KCNMB2: variants seen among roughly 807,000 people sequenced by gnomAD.
KCNMB2 encodes calcium-activated potassium channel subunit beta-2.
KCNMB2 carries 9 observed loss-of-function variants against 24.5 expected under a neutral mutation model. The ratio of observed to expected loss-of-function variants is 0.37; its 90% confidence interval spans 0.22 to 0.64. The LOEUF (loss-of-function observed/expected upper bound fraction) is 0.64, where lower values mean the gene tolerates loss of function less well. Ranked by LOEUF, KCNMB2 falls within the 30% of genes least tolerant of loss-of-function variation. KCNMB2 has a pLI of 0.63. For missense variants in KCNMB2, 226 were observed against 284.3 expected, an observed-to-expected ratio of 0.79 and a Z score of 1.47; for synonymous variants, 109 against 104.4, an observed-to-expected ratio of 1.04 and a Z score of -0.27.
At chr3:178,757,285 C>T (rs1355124967) in intron 1 of KCNMB2, 1 of 106,518 alleles carries the variant, frequency 9.4e-6, no homozygotes, top group Admixed American at 1.0e-4. Flanking sequence ...TACATATATC[C>T]AAGAGGATAT....
intron 1 of KCNMB2, among the ~76,000 whole-genome samples, chr3:178,640,537 G>A (rs1366784548): frequency 6.6e-6 from 1 of 152,124 alleles, no homozygotes; most frequent in Non-Finnish European, 1.5e-5. Context: ...CATGAGATTT[G>A]GGTGGGGACC....
chr3:178,630,352 A>G (rs1197987620), intron 1 of KCNMB2, among the ~76,000 whole-genome samples: 1 of 152,250 alleles, frequency 6.6e-6, no homozygotes, highest in East Asian at 1.9e-4. Flanking sequence ...GAAATAAAAT[A>G]AGTGTTCCAG....
chr3:178,717,770 T>A (rs1249061717), intron 1 of KCNMB2, among the ~76,000 whole-genome samples: 2 of 151,812 alleles, frequency 1.3e-5, no homozygotes, highest in African/African-American at 4.8e-5. Context: ...TAATAAGTGA[T>A]ACAAAGATGA....
Position 178,685,712 on chromosome 3 carries a change from G to A in KCNMB2, c.-67-121631G>A, listed in dbSNP as rs561056902. On this transcript the variant is annotated intron_variant, in intron 1 of 4. Coordinates refer to ENST00000452583, the MANE Select transcript of KCNMB2 (RefSeq NM_181361.3). ...TGAGCAGTTGTTATTTCCTCACCAC[G>A]AAGTTAATCAATAACGTTCCCACAG... Among the ~76,000 whole-genome samples the A allele has an allele frequency of 2.6e-5, 4 of 152,324 alleles. No individual in the cohort carries two copies. The East Asian group carries it at 7.7e-4, about 29-fold the overall frequency.
At chr3:178,820,371 T>G (rs1235484806) in intron 2 of KCNMB2, 1 of 152,684 alleles carries the variant, frequency 6.5e-6, no homozygotes, top group Non-Finnish European at 1.5e-5. Context: ...TAAGTCTTAT[T>G]TATTTGGTAT....
intron 1 of KCNMB2, among the ~76,000 whole-genome samples, chr3:178,594,308 C>T (rs901565820): frequency 4.0e-5 from 6 of 151,892 alleles, no homozygotes; most frequent in East Asian, 1.9e-4. Flanking sequence ...GAGTGAGAAG[C>T]GTGAGAAGAG....
intron 4 of KCNMB2, among the ~76,000 whole-genome samples, chr3:178,838,740 T>C (rs768860855): frequency 6.6e-6 from 1 of 152,198 alleles, no homozygotes; most frequent in African/African-American, 2.4e-5. Context: ...CCAAAACCTA[T>C]ATCAATGTAC....
chr3:178,629,943 T>A (rs1425898072), intron 1 of KCNMB2, among the ~76,000 whole-genome samples: 3 of 152,304 alleles, frequency 2.0e-5, no homozygotes, highest in African/African-American at 7.2e-5. Context: ...TTAGATCTGG[T>A]AAGATGAGAT....
intron 1 of KCNMB2, among the ~76,000 whole-genome samples, chr3:178,559,233 T>C (rs966583121): frequency 1.3e-5 from 2 of 152,162 alleles, no homozygotes; most frequent in Non-Finnish European, 2.9e-5. Flanking sequence ...ATGGTTTTTT[T>C]CACAGGGAAG....
intron 2 of KCNMB2, among the ~76,000 whole-genome samples, chr3:178,817,110 A>G (rs567965998): frequency 1.3e-5 from 2 of 151,462 alleles, no homozygotes; most frequent in South Asian, 2.1e-4. Context: ...TGTCTTACCC[A>G]TAAGACCTGG....
intron 1 of KCNMB2, among the ~76,000 whole-genome samples, chr3:178,581,280 T>G (rs1717193884): frequency 1.3e-5 from 2 of 152,194 alleles, no homozygotes; most frequent in South Asian, 4.1e-4. Context: ...GATTCCCTAT[T>G]TAATAAATGA....
At chr3:178,726,672 T>G (rs879490545) in intron 1 of KCNMB2, among the ~76,000 whole-genome samples, 16 of 152,024 alleles carry the variant, frequency 1.1e-4, no homozygotes, top group Non-Finnish European at 2.9e-5. Flanking sequence ...ATTTTTTCTC[T>G]TTATGATAAG....
intron 1 of KCNMB2, among the ~76,000 whole-genome samples, chr3:178,591,970 C>G (rs796568515): frequency 3.3e-5 from 5 of 152,068 alleles, no homozygotes; most frequent in African/African-American, 1.2e-4. Context: ...AATGTTTTTT[C>G]TTTTTGGTGA....
At chr3:178,753,543 C>T (rs528079083) in intron 1 of KCNMB2, among the ~76,000 whole-genome samples, 1 of 152,122 alleles carries the variant, frequency 6.6e-6, no homozygotes, top group East Asian at 1.9e-4. Context: ...TTCTATGAGA[C>T]ATTCTGGTGA....
At position 178,645,045 on chromosome 3, in the gene KCNMB2, ATTTT is replaced by A. The variant is rs10576689; in HGVS notation, c.-68+108354_-68+108357del. 3.8e-3 allele frequency among the ~76,000 whole-genome samples: 350 copies of A among 92,452 alleles called. 2 individuals are homozygous for A. The highest frequency in any genetic ancestry group is 0.011 in the African/African-American group (233 of 20,750). The allele number at this position is 92,452 out of a possible 152,430, so 60.7% of individuals were successfully genotyped here. ...TCCCCTCCCTTGTTTAAGATCCAAG[ATTTT>A]TTTTTTTTTTTTTTTTTTTGAGATG... On this transcript the variant is annotated intron_variant, in intron 1 of 4. Coordinates refer to ENST00000452583, the MANE Select transcript of KCNMB2 (RefSeq NM_181361.3).
At position 178,759,152 on chromosome 3, in the gene KCNMB2, ATC is replaced by A. The variant is rs1441432815; in HGVS notation, c.-67-48189_-67-48188del. 5.7e-5 allele frequency among the ~76,000 whole-genome samples: 4 copies of A among 70,614 alleles called. 2 individuals are homozygous for A. Among genetic ancestry groups the A allele is most frequent in the Admixed American group, 3.2e-4 (2 of 6,246 alleles). The allele number at this position is 70,614 out of a possible 152,430, so 46.3% of individuals were successfully genotyped here. ...ATCTCCAAGAGGGATATATATATAT[ATC>A]TATCTCCAAGAGGGATACATATATA... On this transcript the variant is annotated intron_variant, in intron 1 of 4. Transcript: ENST00000452583.
intron 1 of KCNMB2, among the ~76,000 whole-genome samples, chr3:178,797,596 A>G (rs371769164): frequency 3.9e-5 from 6 of 152,222 alleles, no homozygotes; most frequent in Admixed American, 1.3e-4. Context: ...AATGTGATAC[A>G]TCGTATAAAC....
intron 1 of KCNMB2, among the ~76,000 whole-genome samples, chr3:178,752,578 C>T (rs1468802075): frequency 2.0e-5 from 3 of 152,062 alleles, no homozygotes; most frequent in Non-Finnish European, 1.5e-5. Flanking sequence ...ATGTGCATTT[C>T]ATAAATGTAA....
chr3:178,661,004 A>ATTG, intron 1 of KCNMB2, among the ~76,000 whole-genome samples: 1 of 151,436 alleles, frequency 6.6e-6, no homozygotes, highest in Middle Eastern at 3.4e-3. Flanking sequence ...TATTATTATT[A>ATTG]TATTTTAAGT....
Sources: gnomAD v4.1 joint callset for allele counts (sites outside exome capture counted in the v4.1 genomes callset) on GRCh38, gnomAD v4.1.1 for gene constraint, MANE v1.5 for transcripts, NCBI Gene and HGNC (gene_info 2026-07-23, HGNC 2026-07-21) for gene names.